FRMD3: variants seen among roughly 807,000 people sequenced by gnomAD.
FRMD3 encodes the protein FERM domain-containing protein 3.
A neutral mutation model predicts 70.2 loss-of-function variants in FRMD3; 33 were observed. That is an observed-to-expected ratio of 0.47 (90% confidence interval 0.36 to 0.63). The LOEUF (loss-of-function observed/expected upper bound fraction) is 0.63. Among genes scored for constraint, FRMD3 ranks in the 20% least tolerant of loss-of-function variants. The pLI, the probability that FRMD3 is intolerant of heterozygous loss-of-function variation, is 0.00. For synonymous variants in FRMD3, 279 were observed against 255.9 expected (o/e 1.09, Z -0.86); for missense variants, 632 against 711.4 (o/e 0.89, Z 1.27).
At chr9:83,488,184 T>C (rs1380019907) in intron 1 of FRMD3, among the ~76,000 whole-genome samples, 1 of 152,228 alleles carries the variant, frequency 6.6e-6, no homozygotes, top group African/African-American at 2.4e-5. Flanking sequence ...ATTACGGCTA[T>C]GTAATTTATA....
At chr9:83,292,452 G>A (rs900499261) in intron 12 of FRMD3, among the ~76,000 whole-genome samples, 10 of 151,902 alleles carry the variant, frequency 6.6e-5, no homozygotes, top group African/African-American at 1.7e-4. Context: ...GAGCCACTAC[G>A]CCCAGCCCCA....
intron 1 of FRMD3, among the ~76,000 whole-genome samples, chr9:83,431,862 T>C (rs1826987524): frequency 6.6e-6 from 1 of 152,212 alleles, no homozygotes; most frequent in African/African-American, 2.4e-5. Flanking sequence ...TGAGCTCTTA[T>C]CAAAAGATCA....
At chr9:83,370,422 C>T (rs749407992) in intron 3 of FRMD3, among the ~76,000 whole-genome samples, 43 of 152,198 alleles carry the variant, frequency 2.8e-4, no homozygotes, top group South Asian at 1.5e-3. Context: ...TTTTTTTGTT[C>T]GGTAATGTCT....
At chr9:83,299,073 TC>T (rs771078003) in intron 11 of FRMD3, 38 bp downstream of exon 11, 9 of 1,440,886 alleles carry the variant, frequency 6.2e-6, no homozygotes, top group African/African-American at 1.4e-5. Flanking sequence ...TGGCTGCCCA[TC>T]CCCACCCCCT....
chr9:83,395,275 T>TAA (rs11322008), intron 1 of FRMD3, among the ~76,000 whole-genome samples: 1 of 142,362 alleles, frequency 7.0e-6, no homozygotes, highest in South Asian at 2.2e-4. Flanking sequence ...TCTATAGATT[T>TAA]AAAAAAAAAA....
At chr9:83,262,089 T>A (rs1234639252) in intron 13 of FRMD3, among the ~76,000 whole-genome samples, 1 of 152,192 alleles carries the variant, frequency 6.6e-6, no homozygotes, top group Admixed American at 6.5e-5. Context: ...TCAAATTAAT[T>A]CTCCCAGAGA....
upstream of FRMD3, among the ~76,000 whole-genome samples, chr9:83,541,029 A>G (rs1297893619): frequency 1.3e-5 from 2 of 152,250 alleles, no homozygotes; most frequent in Non-Finnish European, 2.9e-5. Flanking sequence ...CCTTGGCAGC[A>G]GAAGCATGCC....
intron 6 of FRMD3, among the ~76,000 whole-genome samples, chr9:83,330,324 CAA>C (rs71498045): frequency 2.0e-5 from 2 of 98,260 alleles, no homozygotes; most frequent in Non-Finnish European, 2.1e-5. Context: ...AACTCCATCT[CAA>C]AAAAAAAAAA....
chr9:83,447,100 T>G (rs1006251935), intron 1 of FRMD3, among the ~76,000 whole-genome samples: 2 of 152,194 alleles, frequency 1.3e-5, no homozygotes, highest in Admixed American at 6.5e-5. Flanking sequence ...CTCGGCTCAC[T>G]GCAAGCTCTG....
Position 83,449,207 on chromosome 9 carries a change from C to T in FRMD3, c.148-59499G>A, listed in dbSNP as rs116447444. Among the ~76,000 whole-genome samples the T allele has an allele frequency of 4.0e-3, 606 of 152,280 alleles. 5 individuals carry two copies. The highest frequency in any genetic ancestry group is 0.014 in the African/African-American group (573 of 41,548). On this transcript the variant is annotated intron_variant, in intron 1 of 13. Coordinates refer to ENST00000304195, the MANE Select transcript of FRMD3 (RefSeq NM_174938.6). ...CCCACCAGTCTGGACTCCGGTATGT[C>T]GCACCAACAGCCCATGGAGAAAGTA...
At position 83,247,813 on chromosome 9, in the gene FRMD3, AG is replaced by A. The variant is rs1401571283; in HGVS notation, c.*104del. 8 of 1,512,210 alleles carry A rather than the reference AG, an allele frequency of 5.3e-6. No individual in the cohort carries two copies. The highest frequency in any genetic ancestry group is 7.0e-6 in the Non-Finnish European group (8 of 1,134,864). 93.7% of individuals were successfully genotyped at this position (1,512,210 alleles called of 1,614,324 possible). A position where few individuals can be genotyped will look rare whatever the true frequency, so the allele number is the denominator to read the frequency against. On this transcript the variant is annotated 3_prime_UTR_variant, in exon 14 of 14. Transcript: ENST00000304195. The stretch of plus-strand genomic sequence containing the variant: ...AGGTTTGAATAATCAATTATGAGTA[AG>A]GAACACCTGTTGACAGCCCCGTGAC...
intron 3 of FRMD3, among the ~76,000 whole-genome samples, chr9:83,362,564 G>A (rs1824626760): frequency 6.6e-6 from 1 of 152,216 alleles, no homozygotes; most frequent in African/African-American, 2.4e-5. Flanking sequence ...GAGCAGCACA[G>A]TCTCTGGTAA....
At chr9:83,497,255 T>G (rs1016763426) in intron 1 of FRMD3, among the ~76,000 whole-genome samples, 1 of 152,198 alleles carries the variant, frequency 6.6e-6, no homozygotes, top group African/African-American at 2.4e-5. Context: ...AGCTAGATAA[T>G]GAAATTATTA....
chr9:83,545,636 A>T, the FRMD3 span, among the ~76,000 whole-genome samples: 1 of 152,136 alleles, frequency 6.6e-6, no homozygotes, highest in African/African-American at 2.4e-5. Flanking sequence ...GGATTACAGG[A>T]GTGAGCCACC....
At chr9:83,376,953 T>G (rs938246056) in intron 2 of FRMD3, among the ~76,000 whole-genome samples, 4 of 76,782 alleles carry the variant, frequency 5.2e-5, no homozygotes, top group African/African-American at 1.7e-4. Flanking sequence ...TATTAAGAAA[T>G]TGTGGTTGTT....
chr9:83,544,471 C>G, the FRMD3 span, among the ~76,000 whole-genome samples: 7 of 152,158 alleles, frequency 4.6e-5, no homozygotes, highest in Admixed American at 2.6e-4. Flanking sequence ...ATGGTGTATT[C>G]CACAGGCCAG....
chr9:83,429,636 G>C (rs1048583188), intron 1 of FRMD3, among the ~76,000 whole-genome samples: 2 of 152,162 alleles, frequency 1.3e-5, no homozygotes, highest in African/African-American at 4.8e-5. Context: ...AGATAATCAT[G>C]CTTCTTCCTG....
chr9:83,454,056 T>C (rs567899349), intron 1 of FRMD3, among the ~76,000 whole-genome samples: 2 of 152,198 alleles, frequency 1.3e-5, no homozygotes, highest in East Asian at 1.9e-4. Flanking sequence ...TATTAAATTA[T>C]GTATGTGGCT....
At chr9:83,315,927 G>A (rs1027788575) in intron 6 of FRMD3, among the ~76,000 whole-genome samples, 2 of 152,132 alleles carry the variant, frequency 1.3e-5, no homozygotes, top group African/African-American at 4.8e-5. Context: ...GATGGCTGTT[G>A]TGTGTATTCC....
Sources: allele counts gnomAD v4.1 joint callset (sites outside exome capture counted in the v4.1 genomes callset), GRCh38; gene constraint gnomAD v4.1.1; transcripts MANE v1.5; gene names NCBI Gene and HGNC (gene_info 2026-07-23, HGNC 2026-07-21).